Variants in GRM7 observed in about 807,000 individuals in gnomAD.
GRM7 encodes metabotropic glutamate receptor 7.
GRM7 carries 35 observed loss-of-function variants against 84.5 expected under a neutral mutation model. The ratio of observed to expected loss-of-function variants is 0.41; its 90% confidence interval spans 0.32 to 0.55. GRM7 has a LOEUF of 0.55. Ranked by LOEUF, GRM7 falls within the 20% of genes least tolerant of loss-of-function variation. The pLI, the probability that GRM7 is intolerant of heterozygous loss-of-function variation, is 0.19. For missense variants in GRM7, 1,003 were observed against 1,194.6 expected, an observed-to-expected ratio of 0.84 and a Z score of 2.36; for synonymous variants, 487 against 455.1, an observed-to-expected ratio of 1.07 and a Z score of -0.89.
intron 1 of GRM7, among the ~76,000 whole-genome samples, chr3:6,934,871 T>C (rs1287440464): frequency 2.0e-5 from 3 of 152,116 alleles, no homozygotes; most frequent in Admixed American, 1.3e-4. Context: ...AAAAAAAGAA[T>C]ATTGGAAGAT....
chr3:7,275,312 T>C (rs1330565955), intron 2 of GRM7, among the ~76,000 whole-genome samples: 3 of 152,168 alleles, frequency 2.0e-5, no homozygotes, highest in Non-Finnish European at 4.4e-5. Flanking sequence ...GTCTTCAGAC[T>C]GTGTTTTCTG....
At chr3:7,559,549 A>G (rs894662983) in intron 7 of GRM7, among the ~76,000 whole-genome samples, 2 of 152,070 alleles carry the variant, frequency 1.3e-5, no homozygotes, top group African/African-American at 2.4e-5. Context: ...GAATCTTGGT[A>G]TGGATGTGTT....
chr3:7,379,165 C>G (rs143335232), intron 4 of GRM7, among the ~76,000 whole-genome samples: 2 of 152,072 alleles, frequency 1.3e-5, no homozygotes, highest in African/African-American at 2.4e-5. Context: ...CTCTGCCTCT[C>G]AGGTTCAAGC....
At chr3:7,712,392 A>G (rs1249051220) in intron 9 of GRM7, among the ~76,000 whole-genome samples, 1 of 151,982 alleles carries the variant, frequency 6.6e-6, no homozygotes, top group Non-Finnish European at 1.5e-5. Flanking sequence ...CCAAAGGCCT[A>G]TTGTGGAAAG....
At chr3:7,473,203 C>G (rs1254189433) in intron 7 of GRM7, among the ~76,000 whole-genome samples, 1 of 152,116 alleles carries the variant, frequency 6.6e-6, no homozygotes, top group Non-Finnish European at 1.5e-5. Flanking sequence ...GGTAGTGGCT[C>G]ACACCTGTAA....
At chr3:7,696,891 T>C (rs1001632972) in intron 9 of GRM7, among the ~76,000 whole-genome samples, 12 of 152,282 alleles carry the variant, frequency 7.9e-5, no homozygotes, top group African/African-American at 2.9e-4. Context: ...GGAGAGCTTT[T>C]ATTTAAAACT....
At chr3:6,892,337 C>T (rs530551194) in intron 1 of GRM7, among the ~76,000 whole-genome samples, 2 of 151,884 alleles carry the variant, frequency 1.3e-5, no homozygotes, top group African/African-American at 4.8e-5. Flanking sequence ...CCTGTTGGGT[C>T]AGCGAGGCAG....
chr3:7,305,349 T>TAGAAAACTG (rs1486852422), intron 3 of GRM7, among the ~76,000 whole-genome samples: 1 of 51,972 alleles, frequency 1.9e-5, no homozygotes, highest in African/African-American at 5.0e-5. Context: ...TTTTCTTTTT[T>TAGAAAACTG]TTTTTTTTTA....
At chr3:7,713,140 T>G (rs868426701) in intron 9 of GRM7, among the ~76,000 whole-genome samples, 29 of 144,976 alleles carry the variant, frequency 2.0e-4, no homozygotes, top group Non-Finnish European at 3.5e-4. Context: ...TTTTTTTTTT[T>G]TTTTTTTTTT....
chr3:7,163,341 A>C (rs753144319), intron 2 of GRM7, among the ~76,000 whole-genome samples: 3 of 152,224 alleles, frequency 2.0e-5, no homozygotes, highest in Non-Finnish European at 2.9e-5. Context: ...TAGCTTCCTG[A>C]TACCAATTCA....
At chr3:7,097,056 G>A (rs995169920) in intron 1 of GRM7, among the ~76,000 whole-genome samples, 7 of 152,090 alleles carry the variant, frequency 4.6e-5, no homozygotes, top group East Asian at 1.9e-4. Flanking sequence ...GATACAATCC[G>A]AGTCTGGGGC....
At chr3:7,668,177 ATACT>A (rs1247944908) in intron 8 of GRM7, among the ~76,000 whole-genome samples, 2 of 152,174 alleles carry the variant, frequency 1.3e-5, no homozygotes, top group Non-Finnish European at 2.9e-5. Flanking sequence ...AGTTTAGGAA[ATACT>A]TACTGCAGGG....
chr3:7,399,412 A>G (rs1429108078), intron 4 of GRM7, among the ~76,000 whole-genome samples: 1 of 152,286 alleles, frequency 6.6e-6, no homozygotes, highest in Admixed American at 6.5e-5. Context: ...CAGCAGAACC[A>G]TGAGCCCAGG....
chr3:7,646,694 G>C (rs9873311), intron 8 of GRM7, among the ~76,000 whole-genome samples: 8,907 of 152,022 alleles, frequency 0.059, 899 homozygotes, highest in African/African-American at 0.2. Flanking sequence ...GGTGATTTTG[G>C]GGGGGAAGGT....
chr3:7,579,114 G>C lies in GRM7; in HGVS notation c.2208G>C (p.Lys736Asn). ...PNIIIDYDEHKTMNPEQARGV... is the reference protein window; with the variant it reads ...PNIIIDYDEHNTMNPEQARGV... ...TCATCATAGACTATGATGAACACAA[G>C]ACAATGAACCCTGAGCAAGCCAGAG... Residue 736 changes from lysine to asparagine, a missense_variant, in exon 8 of 10, where the codon AAG (lysine) becomes AAC (asparagine). Physicochemically the swap from Lys to Asn is moderately conservative, Grantham distance 94. This residue lies in a region of GRM7 where 910 missense variants were observed against 1,126.0 expected (regional missense o/e 0.81). Transcript: ENST00000357716. The C allele has an allele frequency of 6.2e-7, 1 of 1,613,920 alleles. No homozygotes were observed. Among genetic ancestry groups the C allele is most frequent in the African/African-American group, 1.3e-5 (1 of 75,008 alleles).
rs1477937992 is a variant in GRM7, at chr3:6,863,016, C to G, written c.519+1109C>G. ...AGCTGCACTGGGTAGGAATGAGTGG[C>G]TTTGGGGTTTGGAAATTGAGTTTCA... is the stretch of plus-strand genomic sequence containing the variant. On this transcript the variant is annotated intron_variant, in intron 1 of 9. Coordinates refer to ENST00000357716, the MANE Select transcript of GRM7 (RefSeq NM_000844.4). This position sits in a 1 kb window ranked among gnomAD's most constrained non-coding sequence, Gnocchi z 4.8. 2.2e-6 allele frequency: 1 copy of G among 456,024 alleles called. No homozygotes were observed. The highest frequency in any genetic ancestry group is 2.4e-5 in the Admixed American group (1 of 42,482). 28.2% of individuals were successfully genotyped at this position (456,024 alleles called of 1,614,324 possible).
At chr3:7,155,483 C>T (rs1402603929) in intron 2 of GRM7, among the ~76,000 whole-genome samples, 3 of 151,802 alleles carry the variant, frequency 2.0e-5, no homozygotes, top group Admixed American at 6.6e-5. Flanking sequence ...AAGTGGGCAT[C>T]GGAATTAGTC....
intron 1 of GRM7, among the ~76,000 whole-genome samples, chr3:7,090,971 A>T (rs1698642933): frequency 6.6e-6 from 1 of 152,224 alleles, no homozygotes; most frequent in Non-Finnish European, 1.5e-5. Context: ...AATAGAGAAG[A>T]CATGCTGTGA....
intron 1 of GRM7, among the ~76,000 whole-genome samples, chr3:6,954,688 G>C (rs571391200): frequency 1.3e-5 from 2 of 152,204 alleles, no homozygotes; most frequent in Non-Finnish European, 2.9e-5. Context: ...ATCTGTGTGA[G>C]CTCTAGCAAC....
Sources: allele counts gnomAD v4.1 joint callset (sites outside exome capture counted in the v4.1 genomes callset), GRCh38; gene constraint gnomAD v4.1.1; regional missense constraint gnomAD v4.1.1; non-coding constraint Gnocchi (gnomAD v3.1); transcripts MANE v1.5; gene names NCBI Gene and HGNC (gene_info 2026-07-23, HGNC 2026-07-21).